GSG1L2: variants seen among roughly 807,000 people sequenced by gnomAD.
The protein encoded by GSG1L2 is germ cell-specific gene 1-like protein 2.
Under a neutral mutation model 9.0 loss-of-function variants are expected in GSG1L2, and 15 were observed. The observed-to-expected ratio is 1.67, with a 90% CI of 1.12 to 2.57. The LOEUF (loss-of-function observed/expected upper bound fraction) is 2.57, where lower values mean the gene tolerates loss of function less well. Among genes scored for constraint, GSG1L2 ranks in the 30% most tolerant of loss-of-function variants. GSG1L2 has a pLI of 0.00. For missense variants in GSG1L2, 286 were observed against 150.3 expected, an observed-to-expected ratio of 1.90 and a Z score of -4.72; for synonymous variants, 127 against 57.9, an observed-to-expected ratio of 2.19 and a Z score of -5.41.
intron 2 of GSG1L2, chr17:9,810,291 A>G (rs1292950082): frequency 3.9e-6 from 2 of 512,194 alleles, no homozygotes; most frequent in Admixed American, 3.6e-5. Context: ...TCATCTTGCA[A>G]TTGAAATTGG....
At chr17:9,811,997 C>CTT (rs1240918143) in intron 1 of GSG1L2, among the ~76,000 whole-genome samples, 5 of 151,978 alleles carry the variant, frequency 3.3e-5, no homozygotes, top group East Asian at 3.9e-4. Flanking sequence ...TCACTTATCA[C>CTT]TTATCACTTA....
chr17:9,808,074 G>C (rs2066522989), intron 3 of GSG1L2, among the ~76,000 whole-genome samples: 1 of 151,766 alleles, frequency 6.6e-6, no homozygotes, highest in South Asian at 2.1e-4. Context: ...TAATTAAAAG[G>C]GACTTTAAAA....
rs1051067594 is a variant in GSG1L2 at position 9,808,887 on chromosome 17, G to A, written c.454C>T (p.Pro152Ser). 4.4e-5 allele frequency: 31 copies of A among 702,840 alleles called. No individual in the cohort carries two copies. Among genetic ancestry groups the A allele is most frequent in the Non-Finnish European group, 8.1e-5 (31 of 385,016 alleles). The allele number at this position is 702,840 out of a possible 1,614,324, so 43.5% of individuals were successfully genotyped here. A position where few individuals can be genotyped will look rare whatever the true frequency, so the allele number is the denominator to read the frequency against. ...LLGSRVSCRS[P>S]GFHWLRVDAL... ...TCCACCCTGAGCCAGTGGAACCCAGGGCTGCGACAACTCACTCTGGAGCCC... is the reference window on the plus strand; with the variant it reads ...TCCACCCTGAGCCAGTGGAACCCAGAGCTGCGACAACTCACTCTGGAGCCC... Residue 152 changes from proline to serine, a missense_variant, in exon 3 of 5, where the codon CCT (proline) becomes TCT (serine). Coordinates refer to ENST00000399363, the MANE Select transcript of GSG1L2 (RefSeq NM_001310219.2).
chr17:9,816,374 G>C (rs201801699), intron 1 of GSG1L2, among the ~76,000 whole-genome samples: 1 of 143,420 alleles, frequency 7.0e-6, no homozygotes, highest in Non-Finnish European at 1.5e-5. Flanking sequence ...GTGTGTCTGT[G>C]TGTGTGCGTG....
chr17:9,805,880 T>C (rs1210836373), intron 4 of GSG1L2, among the ~76,000 whole-genome samples: 1 of 152,168 alleles, frequency 6.6e-6, no homozygotes, highest in Non-Finnish European at 1.5e-5. Context: ...GCCACGCCAC[T>C]AAACTCCTGG....
rs1046956257 is a variant in GSG1L2 at position 9,800,882 on chromosome 17, G to A, written c.*1504C>T. Among the ~76,000 whole-genome samples the A allele has an allele frequency of 2.6e-5, 4 of 152,222 alleles. No homozygotes were observed. The highest frequency in any genetic ancestry group is 9.6e-5 in the African/African-American group (4 of 41,462). On this transcript the variant is annotated 3_prime_UTR_variant, in exon 5 of 5. Coordinates refer to ENST00000399363, the MANE Select transcript of GSG1L2 (RefSeq NM_001310219.2). ...TGAGCACATGGCCCAGGGAACCCCA[G>A]CAGACATTCTCTGGGTTGGGCTTAT... is the stretch of plus-strand genomic sequence containing the variant.
intron 1 of GSG1L2, chr17:9,811,007 C>T: frequency 4.8e-6 from 1 of 208,232 alleles, no homozygotes. Flanking sequence ...AAAGTCTATA[C>T]AGAATGAGCT....
chr17:9,813,799 G>T (rs956726446), intron 1 of GSG1L2, among the ~76,000 whole-genome samples: 6 of 152,184 alleles, frequency 3.9e-5, no homozygotes, highest in African/African-American at 1.4e-4. Context: ...TGGCATCTCT[G>T]CCTGTTTCTG....
intron 1 of GSG1L2, among the ~76,000 whole-genome samples, chr17:9,812,374 G>T (rs1022215357): frequency 1.3e-5 from 2 of 152,020 alleles, no homozygotes; most frequent in Non-Finnish European, 2.9e-5. Context: ...CCTCCTGTTA[G>T]CTTTTATGTC....
rs990194156 is a variant in GSG1L2, at chr17:9,802,081, G to T, written c.*305C>A. 2.0e-5 allele frequency among the ~76,000 whole-genome samples: 3 copies of T among 152,136 alleles called. No individual in the cohort carries two copies. The highest frequency in any genetic ancestry group is 7.2e-5 in the African/African-American group (3 of 41,424). On this transcript the variant is annotated 3_prime_UTR_variant, in exon 5 of 5. Transcript: ENST00000399363. Reference sequence around the variant, plus strand: ...TTCAACTTCTCTTCCCTTAGTACTGGCATCCTCCCTGTTTCTTTGGTATCC... The same window carrying T: ...TTCAACTTCTCTTCCCTTAGTACTGTCATCCTCCCTGTTTCTTTGGTATCC...
intron 3 of GSG1L2, 52 bp downstream of exon 3, chr17:9,808,778 A>G: frequency 1.4e-6 from 1 of 697,970 alleles, no homozygotes; most frequent in Non-Finnish European, 2.6e-6. Context: ...CCAGTCTGAC[A>G]CTCTGCTTTC....
intron 1 of GSG1L2, 37 bp downstream of exon 1, chr17:9,821,725 G>T (rs1034450867): frequency 1.4e-6 from 1 of 696,356 alleles, no homozygotes; most frequent in East Asian, 2.7e-5. Context: ...GCCCCATCCC[G>T]CACCTGTCTT....
chr17:9,821,542 G>C (rs532338407), intron 1 of GSG1L2, among the ~76,000 whole-genome samples: 5 of 152,336 alleles, frequency 3.3e-5, no homozygotes, highest in Admixed American at 3.3e-4. Context: ...TTACAGATGA[G>C]AAAACTGAGG....
At chr17:9,805,237 G>A (rs996941375) in intron 4 of GSG1L2, among the ~76,000 whole-genome samples, 2 of 151,994 alleles carry the variant, frequency 1.3e-5, no homozygotes, top group African/African-American at 4.8e-5. Flanking sequence ...ATAATTCCAG[G>A]ACATGAATAT....
chr17:9,808,555 G>C (rs1217424856), intron 3 of GSG1L2, among the ~76,000 whole-genome samples: 3 of 152,166 alleles, frequency 2.0e-5, no homozygotes, highest in Middle Eastern at 3.2e-3. Context: ...GTGAAGTGAT[G>C]TCAGCTGTCA....
At chr17:9,811,896 C>T (rs1218858751) in intron 1 of GSG1L2, among the ~76,000 whole-genome samples, 1 of 152,222 alleles carries the variant, frequency 6.6e-6, no homozygotes, top group Non-Finnish European at 1.5e-5. Context: ...CGCCCCCAGT[C>T]TGATCCTGGT....
At chr17:9,802,962 C>G (rs1597938461) in intron 4 of GSG1L2, among the ~76,000 whole-genome samples, 1 of 152,136 alleles carries the variant, frequency 6.6e-6, no homozygotes, top group East Asian at 1.9e-4. Flanking sequence ...ATTAATGCTG[C>G]CACCAGGGTG....
rs761200941 is a variant in GSG1L2, at chr17:9,808,810, A to C, written c.511+20T>G. The C allele has an allele frequency of 1.6e-5, 11 of 702,416 alleles. No homozygotes were observed. The South Asian group carries it at 1.6e-4, about 10-fold the overall frequency. The allele number at this position is 702,416 out of a possible 1,614,324, so 43.5% of individuals were successfully genotyped here. A position where few individuals can be genotyped will look rare whatever the true frequency, so the allele number is the denominator to read the frequency against. On this transcript the variant is annotated intron_variant, in intron 3 of 4. Coordinates refer to ENST00000399363, the MANE Select transcript of GSG1L2 (RefSeq NM_001310219.2). ...TTTCCCTCTGGGGCAGCCTGTTCCA[A>C]GGATGCTGTTGGAAAGTACCTGCCA...
chr17:9,810,517 A>C (rs190020996), intron 2 of GSG1L2, 54 bp downstream of exon 2: 28 of 698,578 alleles, frequency 4.0e-5, no homozygotes, highest in African/African-American at 3.7e-4. Context: ...AAACTATAAA[A>C]ATAGTCCAAG....
Sources: allele counts gnomAD v4.1 joint callset (sites outside exome capture counted in the v4.1 genomes callset), GRCh38; gene constraint gnomAD v4.1.1; transcripts MANE v1.5; gene names NCBI Gene and HGNC (gene_info 2026-07-23, HGNC 2026-07-21).